The following LRP1B variants were observed in gnomAD, a reference collection of about 807,000 sequenced individuals.
LRP1B encodes LDL receptor related protein 1B, also known as low-density lipoprotein receptor-related protein 1B.
Under a neutral mutation model 556.6 loss-of-function variants are expected in LRP1B, and 217 were observed. The ratio of observed to expected loss-of-function variants is 0.39; its 90% CI spans 0.35 to 0.44. LRP1B has a LOEUF of 0.44. Ranked by LOEUF, LRP1B falls within the 20% of genes least tolerant of loss-of-function variation. LRP1B has a pLI of 1.00. For synonymous variants in LRP1B, 2,047 were observed against 1,865.8 expected, an observed-to-expected ratio of 1.10 and a Z score of -2.50; for missense variants, 5,053 against 5,620.8, an observed-to-expected ratio of 0.90 and a Z score of 3.23.
At chr2:140,488,957 T>A (rs1372042772) in intron 57 of LRP1B, among the ~76,000 whole-genome samples, 1 of 151,964 alleles carries the variant, frequency 6.6e-6, no homozygotes, top group Non-Finnish European at 1.5e-5. Flanking sequence ...TTTCAACATC[T>A]ACTCTCAAAA....
chr2:141,745,871 G>T (rs1693897793), intron 2 of LRP1B, among the ~76,000 whole-genome samples: 1 of 151,790 alleles, frequency 6.6e-6, no homozygotes, highest in African/African-American at 2.4e-5. Context: ...GGTTATTCAA[G>T]GCCCAAGGGA....
At chr2:140,638,734 T>C (rs1684164641) in intron 41 of LRP1B, among the ~76,000 whole-genome samples, 1 of 152,058 alleles carries the variant, frequency 6.6e-6, no homozygotes, top group Non-Finnish European at 1.5e-5. Flanking sequence ...TAAATGATTT[T>C]ATATGTATTT....
At chr2:141,880,951 T>G (rs1698939600) in intron 1 of LRP1B, among the ~76,000 whole-genome samples, 1 of 152,072 alleles carries the variant, frequency 6.6e-6, no homozygotes, top group African/African-American at 2.4e-5. Context: ...CTTTAAAAAC[T>G]TAGGAATATT....
intron 79 of LRP1B, among the ~76,000 whole-genome samples, chr2:140,330,897 T>C (rs898287936): frequency 1.3e-5 from 2 of 151,894 alleles, no homozygotes; most frequent in East Asian, 1.9e-4. Flanking sequence ...GTAAAAAGTG[T>C]GCAAAGGACA....
At chr2:140,915,557 G>C (rs1024327095) in intron 21 of LRP1B, among the ~76,000 whole-genome samples, 1 of 151,874 alleles carries the variant, frequency 6.6e-6, no homozygotes, top group Non-Finnish European at 1.5e-5. Flanking sequence ...AGGAGGCTGA[G>C]GCAGATATTG....
intron 2 of LRP1B, among the ~76,000 whole-genome samples, chr2:141,756,760 G>T (rs950131067): frequency 6.6e-6 from 1 of 152,004 alleles, no homozygotes; most frequent in Admixed American, 6.6e-5. Context: ...ATGCTGTCTA[G>T]GTTCATACCC....
intron 37 of LRP1B, among the ~76,000 whole-genome samples, chr2:140,711,292 C>T (rs540672257): frequency 1.8e-4 from 28 of 151,948 alleles, no homozygotes; most frequent in Non-Finnish European, 3.4e-4. Context: ...AATTTAATGA[C>T]ATAGAAACAC....
At chr2:140,712,116 G>A (rs951632401) in intron 37 of LRP1B, among the ~76,000 whole-genome samples, 9 of 151,960 alleles carry the variant, frequency 5.9e-5, no homozygotes, top group Admixed American at 2.0e-4. Context: ...GATTATCCTG[G>A]GGCCACTTGA....
At chr2:140,360,803 C>A (rs377320267) in intron 72 of LRP1B, among the ~76,000 whole-genome samples, 36 of 151,654 alleles carry the variant, frequency 2.4e-4, no homozygotes, top group African/African-American at 7.0e-4. Flanking sequence ...CAACAAATTT[C>A]TATTTTTGAT....
intron 2 of LRP1B, among the ~76,000 whole-genome samples, chr2:141,736,299 C>G (rs142210019): frequency 6.6e-6 from 1 of 152,254 alleles, no homozygotes; most frequent in African/African-American, 2.4e-5. Flanking sequence ...GTCCCTCCAA[C>G]AAGACATGTT....
At chr2:141,575,190 A>AC (rs1318920489) in intron 2 of LRP1B, among the ~76,000 whole-genome samples, 1 of 152,228 alleles carries the variant, frequency 6.6e-6, no homozygotes, top group Non-Finnish European at 1.5e-5. Flanking sequence ...TGGAAGCATC[A>AC]CGCTACCTGA....
chr2:141,517,004 TAAAAAAAAAAA>T (rs71391654), intron 2 of LRP1B, among the ~76,000 whole-genome samples: 1 of 11,730 alleles, frequency 8.5e-5, no homozygotes. Flanking sequence ...GCCCGTCTCT[TAAAAAAAAAAA>T]AAAAAAAAAA....
intron 2 of LRP1B, among the ~76,000 whole-genome samples, chr2:141,666,224 G>A (rs11898305): frequency 0.11 from 17,076 of 152,202 alleles, 1,024 homozygotes; most frequent in African/African-American, 0.15. Flanking sequence ...CAAATAGACT[G>A]ACTTCTTAGA....
chr2:142,019,583 G>A (rs1703266674), intron 1 of LRP1B, among the ~76,000 whole-genome samples: 1 of 152,118 alleles, frequency 6.6e-6, no homozygotes, highest in African/African-American at 2.4e-5. Flanking sequence ...CCCCATTGCA[G>A]TCTATCTCAA....
intron 77 of LRP1B, among the ~76,000 whole-genome samples, chr2:140,345,114 A>G (rs1681585162): frequency 6.6e-6 from 1 of 151,656 alleles, no homozygotes; most frequent in African/African-American, 2.4e-5. Context: ...TATCCTATCC[A>G]TTGTAGTGTG....
At chr2:141,511,723 T>C (rs900051686) in intron 2 of LRP1B, among the ~76,000 whole-genome samples, 2 of 152,158 alleles carry the variant, frequency 1.3e-5, no homozygotes, top group Admixed American at 6.6e-5. Flanking sequence ...CCTAACAATA[T>C]TTTTGGTGAG....
At chr2:141,519,115 G>C (rs1194451146) in intron 2 of LRP1B, among the ~76,000 whole-genome samples, 1 of 151,936 alleles carries the variant, frequency 6.6e-6, no homozygotes, top group Non-Finnish European at 1.5e-5. Flanking sequence ...TTTGTCTGCT[G>C]TGAGAGAAAA....
intron 3 of LRP1B, among the ~76,000 whole-genome samples, chr2:141,258,378 C>G (rs752073464): frequency 6.6e-6 from 1 of 151,928 alleles, no homozygotes; most frequent in African/African-American, 2.4e-5. Context: ...CCCAGCTACT[C>G]GGGAGGTTGA....
At chr2:141,579,589 T>C (rs1460728910) in intron 2 of LRP1B, among the ~76,000 whole-genome samples, 2 of 152,084 alleles carry the variant, frequency 1.3e-5, no homozygotes, top group Non-Finnish European at 2.9e-5. Context: ...GTGAGCAGAA[T>C]AGACTAGCAT....
Sources: gnomAD v4.1 joint callset for allele counts (sites outside exome capture counted in the v4.1 genomes callset) on GRCh38, gnomAD v4.1.1 for gene constraint, MANE v1.5 for transcripts, NCBI Gene and HGNC (gene_info 2026-07-23, HGNC 2026-07-21) for gene names.